Variants in LAMA3 observed in about 807,000 individuals in gnomAD.
LAMA3 encodes the protein laminin subunit alpha 3.
A neutral mutation model predicts 402.0 loss-of-function variants in LAMA3; 281 were observed. The ratio of observed to expected loss-of-function variants is 0.70; its 90% CI spans 0.63 to 0.77. The LOEUF is 0.77. Among genes scored for constraint, LAMA3 ranks in the 30% least tolerant of loss-of-function variants. The pLI is 0.00. For synonymous variants in LAMA3, 1,431 were observed against 1,558.4 expected (o/e 0.92, Z 1.93); for missense variants, 3,840 against 4,215.5 (o/e 0.91, Z 2.47).
At chr18:23,940,921 G>A (rs1169493832) in intron 68 of LAMA3, among the ~76,000 whole-genome samples, 2 of 147,658 alleles carry the variant, frequency 1.4e-5, no homozygotes, top group Non-Finnish European at 3.0e-5. Flanking sequence ...TAATGACAAT[G>A]ACCTCCCTCT....
intron 12 of LAMA3, among the ~76,000 whole-genome samples, chr18:23,787,620 C>T (rs1036518883): frequency 6.6e-6 from 1 of 152,146 alleles, no homozygotes; most frequent in Non-Finnish European, 1.5e-5. Context: ...GTTAGAATAA[C>T]AACTGACTTC....
At chr18:23,874,987 C>G (rs1313675401) in intron 38 of LAMA3, among the ~76,000 whole-genome samples, 1 of 152,202 alleles carries the variant, frequency 6.6e-6, no homozygotes, top group Non-Finnish European at 1.5e-5. Flanking sequence ...CCTCAACCTC[C>G]CGAGTAGCTG....
intron 60 of LAMA3, among the ~76,000 whole-genome samples, chr18:23,919,677 G>A (rs1447671544): frequency 6.6e-6 from 1 of 152,178 alleles, no homozygotes; most frequent in Non-Finnish European, 1.5e-5. Flanking sequence ...CATGAAGAAG[G>A]CCTGGAGGTG....
At chr18:23,749,658 G>A in intron 4 of LAMA3, 112 bp downstream of exon 4, 1 of 787,266 alleles carries the variant, frequency 1.3e-6, no homozygotes, top group Non-Finnish European at 2.3e-6. Context: ...CATAGATCAA[G>A]ATGGAAACAG....
intron 30 of LAMA3, 65 bp from the exon 31 acceptor site, chr18:23,846,232 A>T: frequency 6.6e-7 from 1 of 1,507,218 alleles, no homozygotes; most frequent in East Asian, 2.3e-5. Context: ...TGGTAAAGGC[A>T]AGGTTGAGGC....
chr18:23,872,455 C>T (rs1231550581), intron 38 of LAMA3, among the ~76,000 whole-genome samples: 3 of 152,174 alleles, frequency 2.0e-5, no homozygotes, highest in African/African-American at 7.2e-5. Flanking sequence ...GTAGCAAACA[C>T]TCATTCTGTG....
At position 23,824,505 on chromosome 18, in the gene LAMA3, C is replaced by A; in HGVS notation, c.2511C>A (p.Asp837Glu). ...FVTVPGNGFA[D>E]PFSITPGIWV... ...CTGTCCCTGGAAATGGTTTTGCAGA[C>A]CCATTTTCAATCACACCAGGAATAT... The change falls in exon 21 of 75, where the codon GAC becomes GAA. Residue 837 changes from aspartate to glutamate, a missense_variant. Asp to Glu is a conservative substitution (Grantham distance 45, BLOSUM62 2). Around this residue, in one of 3 missense-constraint regions of LAMA3, gnomAD observed 2,109 missense variants for 2,376.0 expected, o/e 0.89. Coordinates refer to ENST00000313654, the MANE Select transcript of LAMA3 (RefSeq NM_198129.4). The A allele has an allele frequency of 6.2e-7, 1 of 1,613,932 alleles. No homozygotes were observed.
intron 68 of LAMA3, among the ~76,000 whole-genome samples, chr18:23,941,334 C>CA (rs1314591917): frequency 2.2e-4 from 32 of 144,842 alleles, no homozygotes; most frequent in South Asian, 9.6e-4. Flanking sequence ...GCGCCCCCCC[C>CA]CCGCCCGGCA....
intron 39 of LAMA3, among the ~76,000 whole-genome samples, chr18:23,880,200 G>T (rs182162127): frequency 1.3e-3 from 191 of 152,296 alleles, no homozygotes; most frequent in Non-Finnish European, 2.2e-3. Context: ...CCAGTGTCCA[G>T]ACCTGAAGGA....
chr18:23,689,806 C>T lies in LAMA3; in HGVS notation c.123C>T (p.Ala41=), dbSNP rs777531558. 4.6e-6 allele frequency: 7 copies of T among 1,537,732 alleles called. No individual in the cohort carries two copies. Among genetic ancestry groups the T allele is most frequent in the Admixed American group, 3.9e-5 (2 of 51,074 alleles). Residue 41 remains alanine, a synonymous_variant, in exon 1 of 75, where the codon GCC becomes GCT. Coordinates refer to ENST00000313654, the MANE Select transcript of LAMA3 (RefSeq NM_198129.4). The part of the protein sequence containing the change: ...ACGATARDPG[A]AAGLSLHPTY... Reference sequence around the variant, plus strand: ...GGGCGACCGCTCGGGATCCCGGGGCCGCGGCCGGGCTCAGCCTTCACCCGA... The same window carrying T: ...GGGCGACCGCTCGGGATCCCGGGGCTGCGGCCGGGCTCAGCCTTCACCCGA...
In LAMA3 at chr18:23,839,168, T is replaced by C. The variant is rs1399256143; in HGVS notation, c.3191+290T>C. On this transcript the variant is annotated intron_variant, in intron 26 of 74. Coordinates refer to ENST00000313654, the MANE Select transcript of LAMA3 (RefSeq NM_198129.4). The surrounding 1 kb of genome is among the most constrained non-coding windows in gnomAD (Gnocchi z 4.5). ...TCTGAGCCCTCGAAAAGACTCGTTT[T>C]GTTCCAATCTTTTAATCTTTCTGTC... Among the ~76,000 whole-genome samples, 1 of 152,252 alleles carries C rather than the reference T, an allele frequency of 6.6e-6. No homozygotes were observed. The highest frequency in any genetic ancestry group is 1.9e-4 in the East Asian group (1 of 5,206).
intron 49 of LAMA3, among the ~76,000 whole-genome samples, chr18:23,903,427 G>A (rs558420078): frequency 6.6e-6 from 1 of 152,168 alleles, no homozygotes; most frequent in Non-Finnish European, 1.5e-5. Flanking sequence ...ATTAACAGAA[G>A]ATATTTAAGA....
At chr18:23,764,584 G>T in intron 8 of LAMA3, among the ~76,000 whole-genome samples, 1 of 150,938 alleles carries the variant, frequency 6.6e-6, no homozygotes, top group African/African-American at 2.4e-5. Flanking sequence ...TTCATAGTGG[G>T]TCTGCAAAAA....
rs1044589250 is a variant in LAMA3 at position 23,699,946 on chromosome 18, C to T, written c.294+9969C>T. ...TATCCTGATATCTTGAGAACAAAGG[C>T]ATTCCTAATTTTGCTTTAAAGATAA... On this transcript the variant is annotated intron_variant, in intron 1 of 74. Transcript: ENST00000313654. 2.6e-5 allele frequency among the ~76,000 whole-genome samples: 4 copies of T among 152,154 alleles called. No homozygotes were observed. In the East Asian group the frequency reaches 7.7e-4, roughly 29 times the overall value.
At chr18:23,929,474 A>G (rs2082099551) in intron 64 of LAMA3, among the ~76,000 whole-genome samples, 1 of 152,214 alleles carries the variant, frequency 6.6e-6, no homozygotes, top group Admixed American at 6.5e-5. Context: ...GTATCTGTCA[A>G]GAAAATGGCT....
Position 23,762,244 on chromosome 18 carries a change from C to T in LAMA3, c.1064-1161C>T, listed in dbSNP as rs539303185. On this transcript the variant is annotated intron_variant, in intron 7 of 74. Coordinates refer to ENST00000313654, the MANE Select transcript of LAMA3 (RefSeq NM_198129.4). The stretch of plus-strand genomic sequence containing the variant: ...AAATAAATAAAATAAATATATTATT[C>T]AAGTTGTTGACCTAAAGGAAGATGC... 7.9e-4 allele frequency among the ~76,000 whole-genome samples: 120 copies of T among 152,084 alleles called. 3 individuals carry two copies. The South Asian group carries it at 0.025, about 32-fold the overall frequency.
chr18:23,775,686 T>C, intron 9 of LAMA3, 106 bp from the exon 10 acceptor site: 1 of 1,298,676 alleles, frequency 7.7e-7, no homozygotes, highest in South Asian at 1.2e-5. Context: ...AGAATACCTA[T>C]AGACCAAGGA....
At chr18:23,883,212 G>A (rs1365167926) in intron 40 of LAMA3, among the ~76,000 whole-genome samples, 2 of 152,180 alleles carry the variant, frequency 1.3e-5, no homozygotes, top group Non-Finnish European at 2.9e-5. Flanking sequence ...TATCCTCAGT[G>A]CGATGGAAAT....
At position 23,909,146 on chromosome 18, in the gene LAMA3, C is replaced by T. The variant is rs1473466115; in HGVS notation, c.7016-7C>T. 6.2e-7 allele frequency: 1 copy of T among 1,612,964 alleles called. No individual in the cohort carries two copies. Among genetic ancestry groups the T allele is most frequent in the African/African-American group, 1.3e-5 (1 of 74,880 alleles). On this transcript the variant is annotated splice_polypyrimidine_tract_variant and splice_region_variant and intron_variant, in intron 54 of 74. Transcript: ENST00000313654. ...TCTTACATTTCTATTTTTTTTCTCA[C>T]CAACAGTGAATAAGTTAACCAACAA...
Sources: allele counts gnomAD v4.1 joint callset (sites outside exome capture counted in the v4.1 genomes callset), GRCh38; gene constraint gnomAD v4.1.1; regional missense constraint gnomAD v4.1.1; non-coding constraint Gnocchi (gnomAD v3.1); transcripts MANE v1.5; gene names NCBI Gene and HGNC (gene_info 2026-07-23, HGNC 2026-07-21).